SLC45A4: variants seen among roughly 807,000 people sequenced by gnomAD.
SLC45A4 encodes the protein solute carrier family 45 member 4.
In SLC45A4, 32 loss-of-function variants were observed where a neutral mutation model predicts 63.7. The ratio of observed to expected loss-of-function variants is 0.50; its 90% CI spans 0.38 to 0.67. The LOEUF is 0.67. Among genes scored for constraint, SLC45A4 ranks in the 30% least tolerant of loss-of-function variants. The pLI is 0.00. For synonymous variants in SLC45A4, 535 were observed against 510.0 expected, an observed-to-expected ratio of 1.05 and a Z score of -0.66; for missense variants, 1,027 against 1,157.7, an observed-to-expected ratio of 0.89 and a Z score of 1.64.
chr8:141,215,620 G>A lies in SLC45A4; in HGVS notation c.1941+139C>T. On this transcript the variant is annotated intron_variant, in intron 7 of 8. Coordinates refer to ENST00000517878, the MANE Select transcript of SLC45A4 (RefSeq NM_001286646.2). This position sits in a 1 kb window ranked among gnomAD's most constrained non-coding sequence, Gnocchi z 4.3. ...GTGGTGGCTCTGTGGGCTTTGGAAGGGGCCATCTCAGAACCGGAGAGGAAG... is the reference window on the plus strand; with the variant it reads ...GTGGTGGCTCTGTGGGCTTTGGAAGAGGCCATCTCAGAACCGGAGAGGAAG... 4.8e-6 allele frequency: 4 copies of A among 836,076 alleles called. No individual in the cohort carries two copies. The highest frequency in any genetic ancestry group is 5.7e-6 in the Non-Finnish European group (3 of 530,402). The allele number at this position is 836,076 out of a possible 1,614,324, so 51.8% of individuals were successfully genotyped here.
At chr8:141,306,379 CCTCT>C (rs1294002397) in intron 1 of SLC45A4, among the ~76,000 whole-genome samples, 1 of 152,256 alleles carries the variant, frequency 6.6e-6, no homozygotes, top group African/African-American at 2.4e-5. Context: ...AGTTCCCCAG[CCTCT>C]CTCTAGAAAC....
chr8:141,297,683 A>G (rs754924451), intron 1 of SLC45A4, among the ~76,000 whole-genome samples: 14 of 152,238 alleles, frequency 9.2e-5, no homozygotes, highest in Non-Finnish European at 1.6e-4. Context: ...GCCATGCCAC[A>G]CACAGCCTGC....
chr8:141,216,161 G>C (rs1826138751), intron 6 of SLC45A4, among the ~76,000 whole-genome samples, 191 bp from the exon 7 acceptor site: 2 of 152,132 alleles, frequency 1.3e-5, no homozygotes, highest in Non-Finnish European at 2.9e-5. Flanking sequence ...GGCCCGCTGG[G>C]ATGCCCAGTG....
chr8:141,239,113 T>C (rs1258112929), intron 2 of SLC45A4, among the ~76,000 whole-genome samples: 2 of 152,146 alleles, frequency 1.3e-5, no homozygotes, highest in African/African-American at 4.8e-5. Flanking sequence ...TTCACTCTAG[T>C]CCCCAGATGC....
Position 141,211,165 on chromosome 8 carries a change from C to T in SLC45A4, c.*407G>A, listed in dbSNP as rs773317129. ...GCGGCGGGACTTGGGAGGCAGGGCC[C>T]GCTGGGAGCTCTGCTCTCAGGAATC... On this transcript the variant is annotated 3_prime_UTR_variant, in exon 9 of 9. Coordinates refer to ENST00000517878, the MANE Select transcript of SLC45A4 (RefSeq NM_001286646.2). The T allele has an allele frequency of 2.4e-5, 8 of 338,968 alleles. No individual in the cohort carries two copies. The highest frequency in any genetic ancestry group is 4.9e-5 in the Admixed American group (1 of 20,598). The allele number at this position is 338,968 out of a possible 1,614,324, so 21.0% of individuals were successfully genotyped here.
At chr8:141,282,779 C>T (rs1008494764) in intron 1 of SLC45A4, among the ~76,000 whole-genome samples, 2 of 152,216 alleles carry the variant, frequency 1.3e-5, no homozygotes, top group Non-Finnish European at 2.9e-5. Flanking sequence ...CCTCCAGTGC[C>T]TGAACAGGCA....
In SLC45A4 at chr8:141,227,928, A is replaced by T. The variant is rs1827113471; in HGVS notation, c.242-6163T>A. ...CGGAGTGCCAGCCATGGCTCTCTGAACCCTGTGGGAGAATCTGGCATTGAA... is the reference window on the plus strand; with the variant it reads ...CGGAGTGCCAGCCATGGCTCTCTGATCCCTGTGGGAGAATCTGGCATTGAA... On this transcript the variant is annotated intron_variant, in intron 2 of 8. Transcript: ENST00000517878. This position sits in a 1 kb window ranked among gnomAD's most constrained non-coding sequence, Gnocchi z 4.4. Among the ~76,000 whole-genome samples, 1 of 152,108 alleles carries T rather than the reference A, an allele frequency of 6.6e-6. No individual in the cohort carries two copies. The highest frequency in any genetic ancestry group is 2.4e-5 in the African/African-American group (1 of 41,426).
chr8:141,230,138 GC>G (rs1394652333), intron 2 of SLC45A4: 1 of 456,210 alleles, frequency 2.2e-6, no homozygotes, highest in East Asian at 6.9e-5. Context: ...AACACAGCCG[GC>G]CCGGTGAGTA....
At position 141,215,028 on chromosome 8, in the gene SLC45A4, A is replaced by G. The variant is rs564074661; in HGVS notation, c.1941+731T>C. 6.6e-6 allele frequency among the ~76,000 whole-genome samples: 1 copy of G among 152,340 alleles called. No individual in the cohort carries two copies. Among genetic ancestry groups the G allele is most frequent in the Non-Finnish European group, 1.5e-5 (1 of 68,026 alleles). ...CCTGGAAGCACCCAAAGGCTCACAA[A>G]GCAGGGTGCATCTGGCCATACACTG... On this transcript the variant is annotated intron_variant, in intron 7 of 8. Coordinates refer to ENST00000517878, the MANE Select transcript of SLC45A4 (RefSeq NM_001286646.2). This position sits in a 1 kb window ranked among gnomAD's most constrained non-coding sequence, Gnocchi z 4.3.
In SLC45A4 at chr8:141,217,172, G is replaced by C; in HGVS notation, c.1647C>G (p.Thr549=). 1 of 1,613,766 alleles carries C rather than the reference G, an allele frequency of 6.2e-7. No homozygotes were observed. The highest frequency in any genetic ancestry group is 1.1e-5 in the South Asian group (1 of 91,074). ...EGDPKAPSNS[T]AWQAYNAGVK... Reference sequence around the variant, plus strand: ...CCCCGGCGTTGTAGGCTTGCCAGGCGGTCGAGTTCGAGGGGGCCTGTTCCG... The same window carrying C: ...CCCCGGCGTTGTAGGCTTGCCAGGCCGTCGAGTTCGAGGGGGCCTGTTCCG... The change falls in exon 6 of 9, where the codon ACC becomes ACG. Residue 549 remains threonine, a synonymous_variant. Coordinates refer to ENST00000517878, the MANE Select transcript of SLC45A4 (RefSeq NM_001286646.2).
intron 1 of SLC45A4, among the ~76,000 whole-genome samples, chr8:141,279,559 T>C (rs1829857559): frequency 6.6e-6 from 1 of 152,172 alleles, no homozygotes; most frequent in Non-Finnish European, 1.5e-5. Context: ...CGACAATTCA[T>C]AAAAAGTTGG....
At chr8:141,216,513 C>A (rs1029046827) in intron 6 of SLC45A4, among the ~76,000 whole-genome samples, 2 of 152,254 alleles carry the variant, frequency 1.3e-5, no homozygotes, top group Non-Finnish European at 2.9e-5. Flanking sequence ...AATGCGCCGG[C>A]TGCTGCTGAC....
In SLC45A4 at chr8:141,213,673, A is replaced by C. The variant is rs570593085; in HGVS notation, c.1942-1117T>G. 2.0e-5 allele frequency among the ~76,000 whole-genome samples: 3 copies of C among 152,378 alleles called. No homozygotes were observed. The East Asian group carries it at 5.8e-4, about 29-fold the overall frequency. ...AAACCAAGACATAACGGAAGGCAGG[A>C]GACAGCAAAGGGCGGCAGTGAACGC... On this transcript the variant is annotated intron_variant, in intron 7 of 8. Transcript: ENST00000517878.
Position 141,211,579 on chromosome 8 carries a change from A to AGT in SLC45A4, c.2419_2420insAC (p.Phe807TyrfsTer47). ...AGAAGATACGTCATTCTTCTAAGAG[A>AGT]ACCACATTGTGGAAAAGAAAATTTT... On this transcript the variant is annotated frameshift_variant, in exon 9 of 9. Transcript: ENST00000517878. LOFTEE classifies it high-confidence loss of function. The AGT allele has an allele frequency of 6.2e-7, 1 of 1,613,306 alleles. No homozygotes were observed.
At chr8:141,248,017 G>T (rs1828299703) in intron 2 of SLC45A4, among the ~76,000 whole-genome samples, 1 of 152,126 alleles carries the variant, frequency 6.6e-6, no homozygotes, top group Non-Finnish European at 1.5e-5. Flanking sequence ...ACAGACCTAG[G>T]TGAGAGAACT....
intron 1 of SLC45A4, among the ~76,000 whole-genome samples, chr8:141,276,782 G>T (rs11986305): frequency 6.6e-6 from 1 of 152,036 alleles, no homozygotes; most frequent in Non-Finnish European, 1.5e-5. Context: ...AGGCCCACAC[G>T]GGCTCAGAAG....
intron 2 of SLC45A4, among the ~76,000 whole-genome samples, chr8:141,238,959 G>T (rs1253781439): frequency 6.6e-6 from 1 of 152,140 alleles, no homozygotes; most frequent in East Asian, 1.9e-4. Flanking sequence ...GTCTCCCCAG[G>T]TTCCTCAACA....
rs111550734 is a variant in SLC45A4, at chr8:141,258,323, C to T, written c.-400-3694G>A. 2.2e-3 allele frequency among the ~76,000 whole-genome samples: 337 copies of T among 152,314 alleles called. 3 individuals carry two copies. The highest frequency in any genetic ancestry group is 7.8e-3 in the African/African-American group (324 of 41,582). On this transcript the variant is annotated intron_variant, in intron 1 of 8. Transcript: ENST00000517878. ...CTAAACTGTCCAGTCCTGACTTAAA[C>T]GACCCGAGGCCAGGAGTGTAGGTGG...
intron 1 of SLC45A4, among the ~76,000 whole-genome samples, chr8:141,261,499 T>A (rs1222811326): frequency 6.6e-6 from 1 of 152,130 alleles, no homozygotes; most frequent in Non-Finnish European, 1.5e-5. Flanking sequence ...AAAATCTCCT[T>A]AAGCTGATAA....
Sources: allele counts gnomAD v4.1 joint callset (sites outside exome capture counted in the v4.1 genomes callset), GRCh38; gene constraint gnomAD v4.1.1; non-coding constraint Gnocchi (gnomAD v3.1); transcripts MANE v1.5; gene names NCBI Gene and HGNC (gene_info 2026-07-23, HGNC 2026-07-21).